The following TNKS variants were observed in gnomAD, a reference collection of about 807,000 sequenced individuals.
The protein encoded by TNKS is poly [ADP-ribose] polymerase tankyrase-1.
TNKS carries 72 observed loss-of-function variants against 135.8 expected under a neutral mutation model. The ratio of observed to expected loss-of-function variants is 0.53; its 90% confidence interval spans 0.44 to 0.64. The LOEUF (loss-of-function observed/expected upper bound fraction) is 0.64, where lower values mean the gene tolerates loss of function less well. Among genes scored for constraint, TNKS ranks in the 30% least tolerant of loss-of-function variants. TNKS has a pLI of 0.00. For synonymous variants in TNKS, 849 were observed against 649.3 expected (o/e 1.31, Z -4.68); for missense variants, 1,769 against 1,674.0 (o/e 1.06, Z -0.99).
At chr8:9,691,617 T>A (rs971860816) in intron 5 of TNKS, among the ~76,000 whole-genome samples, 1 of 152,224 alleles carries the variant, frequency 6.6e-6, no homozygotes, top group African/African-American at 2.4e-5. Context: ...ATCACCCTGT[T>A]CCTTAGTTCC....
At position 9,643,043 on chromosome 8, in the gene TNKS, G is replaced by A. The variant is rs180888020; in HGVS notation, c.994+27366G>A. 7.0e-4 allele frequency among the ~76,000 whole-genome samples: 102 copies of A among 146,046 alleles called. 11 individuals carry two copies. The highest frequency in any genetic ancestry group is 3.5e-3 in the Middle Eastern group (1 of 286). ...TACTTTATTGAATATAATTGAATAT[G>A]AGAAATTACTGAGATGGGGTTGCCC... On this transcript the variant is annotated intron_variant, in intron 3 of 26. Transcript: ENST00000310430.
At chr8:9,579,936 T>G (rs1468288267) in intron 1 of TNKS, among the ~76,000 whole-genome samples, 1 of 152,216 alleles carries the variant, frequency 6.6e-6, no homozygotes, top group Non-Finnish European at 1.5e-5. Flanking sequence ...TAGAAAATGT[T>G]TTTTGAATGA....
chr8:9,578,412 T>C (rs1013477164), intron 1 of TNKS, among the ~76,000 whole-genome samples: 4 of 152,232 alleles, frequency 2.6e-5, no homozygotes, highest in African/African-American at 9.6e-5. Flanking sequence ...TACTTGAGCA[T>C]GTACCCTATG....
At position 9,780,054 on chromosome 8, in the gene TNKS, A is replaced by G. The variant is rs1245383421; in HGVS notation, c.*3318A>G. On this transcript the variant is annotated 3_prime_UTR_variant, in exon 27 of 27. Coordinates refer to ENST00000310430, the MANE Select transcript of TNKS (RefSeq NM_003747.3). Reference sequence around the variant, plus strand: ...TATGGCAAGCAAATAATGTAGATTAACATTCTATTATTGTATCCGTTTTAC... The same window carrying G: ...TATGGCAAGCAAATAATGTAGATTAGCATTCTATTATTGTATCCGTTTTAC... 6.6e-6 allele frequency: 1 copy of G among 152,240 alleles called. No homozygotes were observed. Among genetic ancestry groups the G allele is most frequent in the Non-Finnish European group, 1.5e-5 (1 of 68,044 alleles). 9.4% of individuals were successfully genotyped at this position (152,240 alleles called of 1,614,324 possible). A position where few individuals can be genotyped will look rare whatever the true frequency, so the allele number is the denominator to read the frequency against.
intron 17 of TNKS, chr8:9,741,684 G>T (rs746539852): frequency 3.8e-6 from 2 of 525,440 alleles, no homozygotes; most frequent in East Asian, 5.5e-5. Flanking sequence ...CTTACTCTAC[G>T]TGTGTGTCAC....
chr8:9,556,923 G>T (rs1361811193), intron 1 of TNKS: 2 of 521,494 alleles, frequency 3.8e-6, no homozygotes, highest in Non-Finnish European at 6.7e-6. Flanking sequence ...AATACAGTTA[G>T]ATTTGGACAG....
rs771015123 is a variant in TNKS, at chr8:9,720,422, C to G, written c.1798C>G (p.Leu600Val). 2.5e-6 allele frequency: 4 copies of G among 1,614,018 alleles called. No individual in the cohort carries two copies. The highest frequency in any genetic ancestry group is 2.2e-5 in the South Asian group (2 of 91,072). The part of the protein sequence containing the change: ...LGQTALHRAA[L>V]AGHLQTCRLL... The stretch of plus-strand genomic sequence containing the variant: ...TCAGACTGCTTTGCATAGAGCCGCC[C>G]TAGCAGGTCACCTGCAGACCTGCCG... Residue 600 changes from leucine (L) to valine (V), a missense_variant, in exon 12 of 27, where the codon CTA becomes GTA. This residue lies in a region of TNKS where 523 missense variants were observed against 541.0 expected (regional missense o/e 0.97). Transcript: ENST00000310430.
chr8:9,603,425 G>A (rs1027819464), intron 2 of TNKS, among the ~76,000 whole-genome samples: 33 of 152,158 alleles, frequency 2.2e-4, no homozygotes, highest in African/African-American at 8.0e-4. Flanking sequence ...TCAAGAATGC[G>A]ATACTCACAT....
chr8:9,607,384 A>G (rs1425415868), intron 2 of TNKS, among the ~76,000 whole-genome samples: 1 of 152,194 alleles, frequency 6.6e-6, no homozygotes, highest in East Asian at 1.9e-4. Context: ...ATAGTTAGAA[A>G]AGGGAAGAGT....
At chr8:9,747,299 T>A (rs1198471571) in intron 17 of TNKS, among the ~76,000 whole-genome samples, 4 of 144,806 alleles carry the variant, frequency 2.8e-5, no homozygotes, top group South Asian at 4.8e-4. Context: ...GACTTTTCTC[T>A]CTCTCTCTTC....
At chr8:9,621,340 T>C (rs538114571) in intron 3 of TNKS, among the ~76,000 whole-genome samples, 2 of 151,914 alleles carry the variant, frequency 1.3e-5, no homozygotes, top group Non-Finnish European at 2.9e-5. Flanking sequence ...GTTTCACTCT[T>C]GTTGCCCAGG....
chr8:9,602,286 A>T (rs1799046638), intron 2 of TNKS, among the ~76,000 whole-genome samples: 1 of 152,192 alleles, frequency 6.6e-6, no homozygotes, highest in Non-Finnish European at 1.5e-5. Context: ...GGGAAGCTAA[A>T]AGTACCAGCT....
chr8:9,733,211 TTTA>T lies in TNKS; in HGVS notation c.2148-63_2148-61del. ...AGTACCATAGAAGAATGGTAGGATT[TTTA>T]TTATAAGAATCATTGTAACTCAAAG... is the stretch of plus-strand genomic sequence containing the variant. On this transcript the variant is annotated intron_variant, in intron 14 of 26. Coordinates refer to ENST00000310430, the MANE Select transcript of TNKS (RefSeq NM_003747.3). 5.5e-6 allele frequency: 8 copies of T among 1,456,626 alleles called. No individual in the cohort carries two copies. The South Asian group carries it at 1.2e-4, about 21-fold the overall frequency. The allele number at this position is 1,456,626 out of a possible 1,614,324, so 90.2% of individuals were successfully genotyped here.
intron 2 of TNKS, among the ~76,000 whole-genome samples, chr8:9,605,004 C>T (rs1023352887): frequency 1.3e-5 from 2 of 151,822 alleles, no homozygotes; most frequent in African/African-American, 4.8e-5. Context: ...TTTTGTATAA[C>T]ATAAAAATCA....
intron 3 of TNKS, among the ~76,000 whole-genome samples, chr8:9,631,826 G>C (rs556995152): frequency 5.6e-4 from 85 of 151,158 alleles, no homozygotes; most frequent in Middle Eastern, 3.4e-3. Flanking sequence ...TCCAGCAACA[G>C]AATGCAGATA....
In TNKS at chr8:9,556,522, G is replaced by T; in HGVS notation, c.583G>T (p.Val195Leu). 6.2e-7 allele frequency: 1 copy of T among 1,614,180 alleles called. No homozygotes were observed. Among genetic ancestry groups the T allele is most frequent in the East Asian group, 2.2e-5 (1 of 44,868 alleles). ...ELLEACRNGD[V>L]SRVKRLVDAA... ...GCTGGAGGCCTGTCGCAATGGGGAC[G>T]TGTCCCGGGTAAAGAGGCTGGTGGA... The change falls in exon 1 of 27, where the codon GTG becomes TTG. Residue 195 changes from valine (V) to leucine (L), a missense_variant. By Grantham distance (32) the Val-to-Leu change is conservative. This residue lies in a region of TNKS where 450 missense variants were observed against 304.9 expected (regional missense o/e 1.48). Coordinates refer to ENST00000310430, the MANE Select transcript of TNKS (RefSeq NM_003747.3).
chr8:9,706,772 A>G (rs765061772), intron 7 of TNKS, 39 bp from the exon 8 acceptor site: 2 of 1,553,396 alleles, frequency 1.3e-6, no homozygotes, highest in Non-Finnish European at 8.7e-7. Context: ...GATCCAGCAA[A>G]ATGATTACTG....
chr8:9,583,952 C>T (rs991638373), intron 2 of TNKS, among the ~76,000 whole-genome samples: 5 of 151,388 alleles, frequency 3.3e-5, no homozygotes, highest in African/African-American at 1.2e-4. Flanking sequence ...ATCACGAGGT[C>T]AGGAGATTGA....
chr8:9,589,814 T>C (rs1248148259), intron 2 of TNKS, among the ~76,000 whole-genome samples: 1 of 152,254 alleles, frequency 6.6e-6, no homozygotes, highest in Non-Finnish European at 1.5e-5. Context: ...CTTTGAACCA[T>C]CTCATGCCTT....
Sources: gnomAD v4.1 joint callset for allele counts (sites outside exome capture counted in the v4.1 genomes callset) on GRCh38, gnomAD v4.1.1 for gene constraint, gnomAD v4.1.1 regional missense constraint, MANE v1.5 for transcripts, NCBI Gene and HGNC (gene_info 2026-07-23, HGNC 2026-07-21) for gene names.